PLXDC1: variants seen among roughly 807,000 people sequenced by gnomAD.
PLXDC1 encodes the protein plexin domain containing 1.
PLXDC1 carries 39 observed loss-of-function variants against 61.3 expected under a neutral mutation model. The observed-to-expected ratio is 0.64, with a 90% confidence interval of 0.49 to 0.83. The LOEUF (loss-of-function observed/expected upper bound fraction) is 0.83, where lower values mean the gene tolerates loss of function less well. Ranked by LOEUF, PLXDC1 falls within the 40% of genes least tolerant of loss-of-function variation. The pLI is 0.00. For missense variants in PLXDC1, 596 were observed against 666.5 expected (o/e 0.89, Z 1.17); for synonymous variants, 212 against 254.5 (o/e 0.83, Z 1.59).
intron 7 of PLXDC1, among the ~76,000 whole-genome samples, chr17:39,097,131 G>T (rs1325051595): frequency 6.6e-6 from 1 of 152,124 alleles, no homozygotes; most frequent in Non-Finnish European, 1.5e-5. Flanking sequence ...TTTAGAACCT[G>T]GGGGAGGAGA....
chr17:39,098,999 C>T (rs930208255), intron 7 of PLXDC1, among the ~76,000 whole-genome samples: 4 of 151,998 alleles, frequency 2.6e-5, no homozygotes, highest in Non-Finnish European at 4.4e-5. Flanking sequence ...GTGATGTGAT[C>T]GGATCTGATG....
In PLXDC1 at chr17:39,066,273, G is replaced by C. The variant is rs759821694; in HGVS notation, c.*1567C>G. On this transcript the variant is annotated 3_prime_UTR_variant, in exon 14 of 14. Coordinates refer to ENST00000315392, the MANE Select transcript of PLXDC1 (RefSeq NM_020405.5). ...AGCCCCACATGGTAAATGTGGCTGC[G>C]CATAGCAAGCTCACCCAGGGAAGGC... is the stretch of plus-strand genomic sequence containing the variant. The C allele has an allele frequency of 6.6e-6, 1 of 152,288 alleles. No homozygotes were observed. Among genetic ancestry groups the C allele is most frequent in the Non-Finnish European group, 1.5e-5 (1 of 68,082 alleles). The allele number at this position is 152,288 out of a possible 1,614,324, so 9.4% of individuals were successfully genotyped here.
At chr17:39,083,561 G>A (rs1446368207) in intron 8 of PLXDC1, 21 bp from the exon 9 acceptor site, 3 of 1,588,462 alleles carry the variant, frequency 1.9e-6, no homozygotes, top group Non-Finnish European at 2.6e-6. Context: ...GAAGGCAGTG[G>A]CCGCTCAGCA....
At chr17:39,108,022 G>T in intron 5 of PLXDC1, 101 bp downstream of exon 5, 3 of 1,456,910 alleles carry the variant, frequency 2.1e-6, no homozygotes, top group Non-Finnish European at 2.9e-6. Context: ...TTTGCCGTGG[G>T]ACTGTGGGAC....
rs193035828 is a variant in PLXDC1, at chr17:39,143,440, C to T, written c.77-3608G>A. Among the ~76,000 whole-genome samples, 289 of 152,340 alleles carry T rather than the reference C, an allele frequency of 1.9e-3. 2 individuals carry two copies. The highest frequency in any genetic ancestry group is 5.8e-3 in the African/African-American group (241 of 41,580). On this transcript the variant is annotated intron_variant, in intron 1 of 13. Coordinates refer to ENST00000315392, the MANE Select transcript of PLXDC1 (RefSeq NM_020405.5). The stretch of plus-strand genomic sequence containing the variant: ...CGTGTGCGACTATGTGCCTATCTCC[C>T]TGGTAGATTTGAGTTCCCCCAGGAT...
At position 39,139,842 on chromosome 17, in the gene PLXDC1, G is replaced by A. The variant is rs745421217; in HGVS notation, c.77-10C>T. On this transcript the variant is annotated splice_polypyrimidine_tract_variant and intron_variant, in intron 1 of 13. Coordinates refer to ENST00000315392, the MANE Select transcript of PLXDC1 (RefSeq NM_020405.5). ...GGGCCCTCATCGTGACCTGGGAGAA[G>A]GGGACAGAAACCTGAGTGCCAGCAG... The A allele has an allele frequency of 4.4e-6, 7 of 1,592,052 alleles. No homozygotes were observed. The highest frequency in any genetic ancestry group is 2.2e-5 in the South Asian group (2 of 89,312).
At chr17:39,069,748 C>T (rs1414903193) in intron 13 of PLXDC1, 108 bp downstream of exon 13, 2 of 840,328 alleles carry the variant, frequency 2.4e-6, no homozygotes, top group Non-Finnish European at 3.8e-6. Flanking sequence ...GAAGTTTTCT[C>T]AGGTATGTGG....
intron 7 of PLXDC1, among the ~76,000 whole-genome samples, chr17:39,101,344 C>T (rs1326803039): frequency 6.6e-6 from 1 of 152,160 alleles, no homozygotes; most frequent in African/African-American, 2.4e-5. Context: ...ACACCCTGCC[C>T]GGCTTTATAT....
rs57061266 is a variant in PLXDC1 at position 39,074,735 on chromosome 17, G to A, written c.1187-2250C>T. On this transcript the variant is annotated intron_variant, in intron 11 of 13. Transcript: ENST00000315392. Reference sequence around the variant, plus strand: ...GACACTGTCTGGCTAAACCCTCTGGGTGGGGCAGGGTATGTTTGCAGCACC... The same window carrying A: ...GACACTGTCTGGCTAAACCCTCTGGATGGGGCAGGGTATGTTTGCAGCACC... Among the ~76,000 whole-genome samples the A allele has an allele frequency of 4.4e-4, 67 of 152,220 alleles. 1 individual carries two copies. The East Asian group carries it at 0.012, about 26-fold the overall frequency.
chr17:39,127,897 G>A (rs1423398136), intron 2 of PLXDC1, among the ~76,000 whole-genome samples: 3 of 126,276 alleles, frequency 2.4e-5, no homozygotes, highest in Admixed American at 9.7e-5. Flanking sequence ...GGTGGAGATC[G>A]CACCACTGCA....
intron 10 of PLXDC1, 139 bp from the exon 11 acceptor site, chr17:39,078,187 T>A: frequency 1.2e-6 from 1 of 828,590 alleles, no homozygotes; most frequent in Non-Finnish European, 1.8e-6. Flanking sequence ...ATGCCAATCT[T>A]AAATAAATAG....
intron 7 of PLXDC1, among the ~76,000 whole-genome samples, chr17:39,093,516 A>C (rs1235457658): frequency 6.6e-6 from 1 of 152,072 alleles, no homozygotes; most frequent in Non-Finnish European, 1.5e-5. Context: ...CAGGAGTTTG[A>C]GACCAGCCTG....
rs1391028038 is a variant in PLXDC1 at position 39,085,264 on chromosome 17, G to A, written c.908-1724C>T. Among the ~76,000 whole-genome samples the A allele has an allele frequency of 2.0e-5, 3 of 152,246 alleles. No homozygotes were observed. In the East Asian group the frequency reaches 5.8e-4, roughly 29 times the overall value. On this transcript the variant is annotated intron_variant, in intron 8 of 13. Coordinates refer to ENST00000315392, the MANE Select transcript of PLXDC1 (RefSeq NM_020405.5). Reference sequence around the variant, plus strand: ...CTCTGGGAGGGACTGGCAGTGGGTGGCACTGTGTCCTTTTGTCTGCCGTGG... The same window carrying A: ...CTCTGGGAGGGACTGGCAGTGGGTGACACTGTGTCCTTTTGTCTGCCGTGG...
intron 2 of PLXDC1, among the ~76,000 whole-genome samples, chr17:39,132,244 C>T (rs1330760916): frequency 3.3e-5 from 5 of 152,136 alleles, no homozygotes; most frequent in African/African-American, 9.7e-5. Context: ...TTGCCAAGAC[C>T]TCCCCTTTCC....
intron 2 of PLXDC1, among the ~76,000 whole-genome samples, chr17:39,123,550 G>A (rs1911229719): frequency 6.6e-6 from 1 of 152,156 alleles, no homozygotes; most frequent in African/African-American, 2.4e-5. Context: ...TCAACACAAA[G>A]CTCTTAGCCC....
In PLXDC1 at chr17:39,067,840, T is replaced by C. The variant is rs757241762; in HGVS notation, c.1503A>G (p.Ter501TrpextTer35). 1.9e-6 allele frequency: 3 copies of C among 1,613,376 alleles called. No homozygotes were observed. The highest frequency in any genetic ancestry group is 2.5e-6 in the Non-Finnish European group (3 of 1,179,450). The change falls in exon 14 of 14, where the codon TGA (stop) becomes TGG (tryptophan). Residue 501 changes from the stop codon to tryptophan (W), a stop_lost. Coordinates refer to ENST00000315392, the MANE Select transcript of PLXDC1 (RefSeq NM_020405.5). ...TCTTCAAAGGGGAGACTTGGTGTTC[T>C]CAGCACTGCTCAGCCTCCATGAAGC... ...KEGFMEAEQC[*>W]
intron 2 of PLXDC1, among the ~76,000 whole-genome samples, chr17:39,118,934 G>GA (rs201671782): frequency 2.0e-5 from 3 of 151,944 alleles, no homozygotes. Flanking sequence ...GAGAAAAAAA[G>GA]AAAAAAAGGA....
At chr17:39,116,974 T>C (rs1041950534) in intron 2 of PLXDC1, among the ~76,000 whole-genome samples, 8 of 152,210 alleles carry the variant, frequency 5.3e-5, no homozygotes, top group Non-Finnish European at 2.9e-5. Flanking sequence ...ACCAGTCTAC[T>C]TCCCCCAGGA....
At position 39,067,443 on chromosome 17, in the gene PLXDC1, C is replaced by T. The variant is rs569144004; in HGVS notation, c.*397G>A. 1.0e-3 allele frequency: 161 copies of T among 161,610 alleles called. 1 individual carries two copies. Among genetic ancestry groups the T allele is most frequent in the African/African-American group, 3.3e-3 (138 of 41,838 alleles). The allele number at this position is 161,610 out of a possible 1,614,324, so 10.0% of individuals were successfully genotyped here. ...CCCTTTAATCCCAGAGTTAGTTTTG[C>T]AAACGGCATGATTCCTGTTTTTGCG... On this transcript the variant is annotated 3_prime_UTR_variant, in exon 14 of 14. Transcript: ENST00000315392.
Sources: gnomAD v4.1 joint callset for allele counts (sites outside exome capture counted in the v4.1 genomes callset) on GRCh38, gnomAD v4.1.1 for gene constraint, MANE v1.5 for transcripts, NCBI Gene and HGNC (gene_info 2026-07-23, HGNC 2026-07-21) for gene names.